PDXK: variants seen among roughly 807,000 people sequenced by gnomAD.
PDXK encodes pyridoxal kinase, also known as epididymis secretory sperm binding protein Li 1a.
A neutral mutation model predicts 43.2 loss-of-function variants in PDXK; 15 were observed. The ratio of observed to expected loss-of-function variants is 0.35; its 90% CI spans 0.23 to 0.53. The LOEUF (loss-of-function observed/expected upper bound fraction) is 0.53, where lower values mean the gene tolerates loss of function less well. Ranked by LOEUF, PDXK falls within the 20% of genes least tolerant of loss-of-function variation. The pLI, the probability that PDXK is intolerant of heterozygous loss-of-function variation, is 0.92. For synonymous variants in PDXK, 172 were observed against 165.4 expected (o/e 1.04, Z -0.31); for missense variants, 343 against 417.0 (o/e 0.82, Z 1.54).
At chr21:43,745,702 GA>G (rs1287231176) in intron 4 of PDXK, 2 of 201,428 alleles carry the variant, frequency 9.9e-6, no homozygotes, top group African/African-American at 4.6e-5. Flanking sequence ...TAAAAAACAA[GA>G]AAAAAGAAAA....
Position 43,754,674 on chromosome 21 carries a change from C to G in PDXK, c.759+955C>G, listed in dbSNP as rs1320724262. Among the ~76,000 whole-genome samples the G allele has an allele frequency of 6.6e-6, 1 of 152,154 alleles. No individual in the cohort carries two copies. Among genetic ancestry groups the G allele is most frequent in the Non-Finnish European group, 1.5e-5 (1 of 68,020 alleles). On this transcript the variant is annotated intron_variant, in intron 9 of 10. Transcript: ENST00000291565. The surrounding 1 kb of genome is among the most constrained non-coding windows in gnomAD (Gnocchi z 5.5). ...CCTGCCATCCCTTTGGAATGTGGGG[C>G]AGGGCAGGGGTGCCATGGGAGTGAC...
At chr21:43,743,932 G>A (rs912986429) in intron 4 of PDXK, 125 bp downstream of exon 4, 36 of 695,638 alleles carry the variant, frequency 5.2e-5, no homozygotes, top group East Asian at 2.2e-4. Flanking sequence ...CCGCCTCTCC[G>A]GGCCAGTGAA....
At chr21:43,729,324 G>T (rs115292482) in intron 1 of PDXK, among the ~76,000 whole-genome samples, 5,636 of 152,374 alleles carry the variant, frequency 0.037, 359 homozygotes, top group African/African-American at 0.13. Context: ...TTCGCGTGCT[G>T]TCGCGGGGGC....
rs529119792 is a variant in PDXK at position 43,756,096 on chromosome 21, G to T, written c.*33G>T. 3 of 1,236,146 alleles carry T rather than the reference G, an allele frequency of 2.4e-6. No homozygotes were observed. The Admixed American group carries it at 5.4e-5, about 22-fold the overall frequency. The allele number at this position is 1,236,146 out of a possible 1,614,324, so 76.6% of individuals were successfully genotyped here. ...GCCGCTTGCCCGTGACACGCAGCGCGTTGGTGTCTCCGTGTTTGTCCCTGT... is the reference window on the plus strand; with the variant it reads ...GCCGCTTGCCCGTGACACGCAGCGCTTTGGTGTCTCCGTGTTTGTCCCTGT... On this transcript the variant is annotated 3_prime_UTR_variant, in exon 11 of 11. Transcript: ENST00000291565.
intron 5 of PDXK, among the ~76,000 whole-genome samples, chr21:43,746,332 C>G (rs528867155): frequency 2.6e-5 from 4 of 152,158 alleles, no homozygotes; most frequent in Non-Finnish European, 5.9e-5. Flanking sequence ...ACACCTTTGC[C>G]GGCCGCACAG....
Position 43,737,425 on chromosome 21 carries a change from T to G in PDXK, c.142+3302T>G. 1 of 1,106,092 alleles carries G rather than the reference T, an allele frequency of 9.0e-7. No homozygotes were observed. 68.5% of individuals were successfully genotyped at this position (1,106,092 alleles called of 1,614,324 possible). On this transcript the variant is annotated intron_variant, in intron 2 of 10. Transcript: ENST00000291565. The surrounding 1 kb of genome is among the most constrained non-coding windows in gnomAD (Gnocchi z 4.8). Reference sequence around the variant, plus strand: ...CAGAGCCTCCACCTTGTGGCCAGTATTCCCAGTGGCCCCTTTGAGAGGATT... The same window carrying G: ...CAGAGCCTCCACCTTGTGGCCAGTAGTCCCAGTGGCCCCTTTGAGAGGATT...
rs180877101 is a variant in PDXK at position 43,728,800 on chromosome 21, C to G, written c.88-5269C>G. The G allele has an allele frequency of 3.0e-6, 3 of 985,478 alleles. No homozygotes were observed. The African/African-American group carries it at 5.2e-5, about 17-fold the overall frequency. 61.0% of individuals were successfully genotyped at this position (985,478 alleles called of 1,614,324 possible). A position where few individuals can be genotyped will look rare whatever the true frequency, so the allele number is the denominator to read the frequency against. ...TCGCGGGCGGCAGGGGGAAGGGAGT[C>G]GGAGAGCTCCTGCGGTCCAGCCGGA... On this transcript the variant is annotated intron_variant, in intron 1 of 10. Coordinates refer to ENST00000291565, the MANE Select transcript of PDXK (RefSeq NM_003681.5).
At position 43,740,558 on chromosome 21, in the gene PDXK, T is replaced by C. The variant is rs142378453; in HGVS notation, c.143-1109T>C. 3.0e-3 allele frequency among the ~76,000 whole-genome samples: 461 copies of C among 152,092 alleles called. 4 individuals carry two copies. The highest frequency in any genetic ancestry group is 0.011 in the African/African-American group (446 of 41,554). On this transcript the variant is annotated intron_variant, in intron 2 of 10. Coordinates refer to ENST00000291565, the MANE Select transcript of PDXK (RefSeq NM_003681.5). ...ATGGTGGACCCCCACCCTGTGTGGATGGCTGCCCCCTGAGCAGTGCTTTGA... is the reference window on the plus strand; with the variant it reads ...ATGGTGGACCCCCACCCTGTGTGGACGGCTGCCCCCTGAGCAGTGCTTTGA...
Position 43,741,663 on chromosome 21 carries a change from C to G in PDXK, c.143-4C>G. 1 of 1,611,560 alleles carries G rather than the reference C, an allele frequency of 6.2e-7. No homozygotes were observed. The highest frequency in any genetic ancestry group is 8.5e-7 in the Non-Finnish European group (1 of 1,178,060). ...TGAGCCCCCATGGCTTCCTCTGCCT[C>G]TAGGCTATGCCCACTGGAAGGGCCA... On this transcript the variant is annotated splice_polypyrimidine_tract_variant and splice_region_variant and intron_variant, in intron 2 of 10. Coordinates refer to ENST00000291565, the MANE Select transcript of PDXK (RefSeq NM_003681.5).
rs1358322434 is a variant in PDXK, at chr21:43,756,840, G to A, written c.*777G>A. 2 of 152,332 alleles carry A rather than the reference G, an allele frequency of 1.3e-5. No homozygotes were observed. The highest frequency in any genetic ancestry group is 1.9e-4 in the East Asian group (1 of 5,202). 9.4% of individuals were successfully genotyped at this position (152,332 alleles called of 1,614,324 possible). On this transcript the variant is annotated 3_prime_UTR_variant, in exon 11 of 11. Coordinates refer to ENST00000291565, the MANE Select transcript of PDXK (RefSeq NM_003681.5). Reference sequence around the variant, plus strand: ...CGCAGTAAGGTCTGTGCTGGGCCAAGAGCAGCTTTGAAGCTCCAGAGAACC... The same window carrying A: ...CGCAGTAAGGTCTGTGCTGGGCCAAAAGCAGCTTTGAAGCTCCAGAGAACC...
chr21:43,721,308 C>G (rs1040108712), intron 1 of PDXK, among the ~76,000 whole-genome samples: 4 of 152,244 alleles, frequency 2.6e-5, no homozygotes, highest in African/African-American at 9.6e-5. Flanking sequence ...TAGAGCTGCT[C>G]TTGCAAGAGT....
chr21:43,750,474 C>T, intron 6 of PDXK, 26 bp from the exon 7 acceptor site: 1 of 1,598,614 alleles, frequency 6.3e-7, no homozygotes, highest in East Asian at 2.3e-5. Context: ...CCTGTCCCCA[C>T]CCGCCTGTCC....
chr21:43,735,351 G>A lies in PDXK; in HGVS notation c.142+1228G>A, dbSNP rs2083385016. Among the ~76,000 whole-genome samples, 1 of 152,224 alleles carries A rather than the reference G, an allele frequency of 6.6e-6. No homozygotes were observed. Among genetic ancestry groups the A allele is most frequent in the South Asian group, 2.1e-4 (1 of 4,830 alleles). On this transcript the variant is annotated intron_variant, in intron 2 of 10. Coordinates refer to ENST00000291565, the MANE Select transcript of PDXK (RefSeq NM_003681.5). This position sits in a 1 kb window ranked among gnomAD's most constrained non-coding sequence, Gnocchi z 5.3. ...GACTGTGTTGGGCTCCGTCAGTGCT[G>A]GTTCAACATCCACACCGACCCGGCT...
chr21:43,736,467 T>G (rs986948605), intron 2 of PDXK, among the ~76,000 whole-genome samples: 2 of 152,160 alleles, frequency 1.3e-5, no homozygotes. Flanking sequence ...TTTTTGGCTG[T>G]TGGGGTCATG....
rs2083856155 is a variant in PDXK at position 43,756,637 on chromosome 21, T to C, written c.*574T>C. Reference sequence around the variant, plus strand: ...GGGATTTCAGATCTTAGGCTGTTGTTTCACCGTATGGGAGGGTTGATGTGA... The same window carrying C: ...GGGATTTCAGATCTTAGGCTGTTGTCTCACCGTATGGGAGGGTTGATGTGA... On this transcript the variant is annotated 3_prime_UTR_variant, in exon 11 of 11. Coordinates refer to ENST00000291565, the MANE Select transcript of PDXK (RefSeq NM_003681.5). 1 of 153,280 alleles carries C rather than the reference T, an allele frequency of 6.5e-6. No homozygotes were observed. The highest frequency in any genetic ancestry group is 1.5e-5 in the Non-Finnish European group (1 of 68,848). The allele number at this position is 153,280 out of a possible 1,614,324, so 9.5% of individuals were successfully genotyped here.
intron 7 of PDXK, 62 bp from the exon 8 acceptor site, chr21:43,752,456 G>A (rs2083770421): frequency 3.6e-6 from 4 of 1,121,414 alleles, no homozygotes; most frequent in Non-Finnish European, 5.4e-6. Context: ...GGGGAGTGGG[G>A]TGTGACCAGC....
intron 4 of PDXK, 46 bp from the exon 5 acceptor site, chr21:43,746,033 C>T (rs951372420): frequency 3.4e-6 from 5 of 1,466,152 alleles, no homozygotes; most frequent in African/African-American, 1.4e-5. Flanking sequence ...GTTTCTTACT[C>T]GTCAGCTGTA....
chr21:43,738,803 C>T (rs536716509), intron 2 of PDXK: 5 of 152,578 alleles, frequency 3.3e-5, no homozygotes, highest in South Asian at 2.1e-4. Context: ...CTGTTTCGCC[C>T]TGAATATCTG....
chr21:43,752,091 G>A (rs1004326847), intron 7 of PDXK, among the ~76,000 whole-genome samples: 1 of 146,946 alleles, frequency 6.8e-6, no homozygotes. Context: ...GCTGGGTGGC[G>A]ATGCAGCACA....
Sources: allele counts gnomAD v4.1 joint callset (sites outside exome capture counted in the v4.1 genomes callset), GRCh38; gene constraint gnomAD v4.1.1; non-coding constraint Gnocchi (gnomAD v3.1); transcripts MANE v1.5; gene names NCBI Gene and HGNC (gene_info 2026-07-23, HGNC 2026-07-21).